Variants in ATXN8OS observed in about 807,000 individuals in gnomAD.
ATXN8OS encodes ATXN8 opposite strand lncRNA.
At chr13:70,155,482 T>A (rs1888925137) in intron 4 of ATXN8OS, among the ~76,000 whole-genome samples, 1 of 152,158 alleles carries the variant, frequency 6.6e-6, no homozygotes, top group South Asian at 2.1e-4. Context: ...CTGGCCAGAA[T>A]CAACTAGTAT....
intron 3 of ATXN8OS, chr13:70,139,383 ACTG>A (rs193922930): frequency 0.024 from 10,850 of 454,152 alleles, 199 homozygotes; most frequent in South Asian, 0.044. Flanking sequence ...TACTACTACT[ACTG>A]CTGCTGCTGC....
intron 3 of ATXN8OS, among the ~76,000 whole-genome samples, chr13:70,144,253 A>C (rs1888752952): frequency 6.6e-6 from 1 of 152,122 alleles, no homozygotes; most frequent in African/African-American, 2.4e-5. Context: ...CCATCCGTTT[A>C]CATTTCGCAT....
At chr13:70,169,966 T>A (rs1001817805) in exon 5 of ATXN8OS, among the ~76,000 whole-genome samples, 3 of 152,130 alleles carry the variant, frequency 2.0e-5, no homozygotes, top group African/African-American at 7.2e-5. Context: ...CTTTCTTTCA[T>A]GCCTTTACTG....
chr13:70,111,487 C>A (rs1055042117), intron 1 of ATXN8OS, among the ~76,000 whole-genome samples: 1 of 152,116 alleles, frequency 6.6e-6, no homozygotes, highest in African/African-American at 2.4e-5. Context: ...TCTTCCTTTT[C>A]TTATAAAGCC....
chr13:70,170,205 T>G (rs1465839793), exon 5 of ATXN8OS, among the ~76,000 whole-genome samples: 1 of 152,080 alleles, frequency 6.6e-6, no homozygotes, highest in Admixed American at 6.6e-5. Flanking sequence ...TATCCTTCAG[T>G]AAGAAGACCC....
intron 3 of ATXN8OS, chr13:70,131,078 C>G (rs1888526537): frequency 2.5e-6 from 1 of 398,488 alleles, no homozygotes; most frequent in East Asian, 3.6e-5. Flanking sequence ...TGTCTTATCT[C>G]TTATCCACAT....
intron 1 of ATXN8OS, among the ~76,000 whole-genome samples, chr13:70,114,221 A>T (rs1432724607): frequency 6.6e-6 from 1 of 152,142 alleles, no homozygotes; most frequent in African/African-American, 2.4e-5. Flanking sequence ...AAAGAATATT[A>T]CTTGTCAGCC....
intron 2 of ATXN8OS, among the ~76,000 whole-genome samples, chr13:70,127,482 G>T (rs1888456121): frequency 6.6e-6 from 1 of 151,742 alleles, no homozygotes; most frequent in Non-Finnish European, 1.5e-5. Flanking sequence ...ACATAGAGAG[G>T]TATATATGTA....
intron 4 of ATXN8OS, among the ~76,000 whole-genome samples, chr13:70,161,344 A>G (rs557678850): frequency 6.6e-6 from 1 of 152,228 alleles, no homozygotes; most frequent in East Asian, 1.9e-4. Flanking sequence ...CATCAGATTA[A>G]CATAAATTTT....
In ATXN8OS at chr13:70,139,412, T is replaced by TGCTGCTGCTGCTGCTGCTGCTGCTGCA. The variant is rs1167175762; in HGVS notation, n.500-7926_500-7925insTGCTGCTGCAGCTGCTGCTGCTGCTGC. On this transcript the variant is annotated intron_variant and non_coding_transcript_variant, in intron 3 of 4. Coordinates refer to ENST00000678624, the Ensembl canonical transcript of ATXN8OS. ...CTGCTGCTGCTGCTGCTGCTGCTGC[T>TGCTGCTGCTGCTGCTGCTGCTGCTGCA]GCTGCTGCTGCTGCTGCATTTTTTA... 4.1e-5 allele frequency: 32 copies of TGCTGCTGCTGCTGCTGCTGCTGCTGCA among 777,062 alleles called. 1 individual carries two copies. In the African/African-American group the frequency reaches 5.5e-4, roughly 13 times the overall value. The allele number at this position is 777,062 out of a possible 1,614,324, so 48.1% of individuals were successfully genotyped here. A position where few individuals can be genotyped will look rare whatever the true frequency, so the allele number is the denominator to read the frequency against.
chr13:70,169,263 A>G (rs12430969), intron 4 of ATXN8OS, among the ~76,000 whole-genome samples: 1,863 of 152,276 alleles, frequency 0.012, 25 homozygotes, highest in Non-Finnish European at 0.018. Flanking sequence ...CATCCTAGAA[A>G]TAAACCTCAG....
chr13:70,142,900 C>T (rs1233718204), intron 3 of ATXN8OS, among the ~76,000 whole-genome samples: 1 of 152,092 alleles, frequency 6.6e-6, no homozygotes, highest in Non-Finnish European at 1.5e-5. Flanking sequence ...ATGGAGAAAC[C>T]TCCTCTCTAC....
intron 3 of ATXN8OS, among the ~76,000 whole-genome samples, chr13:70,133,153 C>T (rs1166230095): frequency 6.6e-6 from 1 of 152,158 alleles, no homozygotes; most frequent in African/African-American, 2.4e-5. Context: ...CGCCTGTAAT[C>T]CTAGCACTTT....
chr13:70,145,631 C>T (rs1400040114), intron 3 of ATXN8OS, among the ~76,000 whole-genome samples: 1 of 152,076 alleles, frequency 6.6e-6, no homozygotes, highest in Non-Finnish European at 1.5e-5. Flanking sequence ...TGGTAGTTCA[C>T]TCATGATTTG....
chr13:70,160,275 C>A (rs1302569443), intron 4 of ATXN8OS, among the ~76,000 whole-genome samples: 1 of 151,470 alleles, frequency 6.6e-6, no homozygotes, highest in African/African-American at 2.4e-5. Context: ...CATTGTTACC[C>A]TAATGTTTCA....
intron 4 of ATXN8OS, among the ~76,000 whole-genome samples, chr13:70,167,106 G>A (rs2137508211): frequency 1.3e-5 from 2 of 152,014 alleles, no homozygotes; most frequent in East Asian, 3.9e-4. Flanking sequence ...AAGTCAGTGT[G>A]GCAATTCCTC....
chr13:70,142,796 C>T (rs1328915455), intron 3 of ATXN8OS, among the ~76,000 whole-genome samples: 1 of 152,010 alleles, frequency 6.6e-6, no homozygotes, highest in Non-Finnish European at 1.5e-5. Context: ...TAAATGCGGC[C>T]GGCCGCAGGG....
chr13:70,128,742 C>T (rs948092452), intron 2 of ATXN8OS, among the ~76,000 whole-genome samples: 2 of 151,946 alleles, frequency 1.3e-5, no homozygotes, highest in Admixed American at 6.6e-5. Flanking sequence ...GATTCTTCCC[C>T]GCAGTGTCCT....
intron 4 of ATXN8OS, among the ~76,000 whole-genome samples, chr13:70,157,680 C>T (rs1421480053): frequency 6.6e-6 from 1 of 152,036 alleles, no homozygotes; most frequent in African/African-American, 2.4e-5. Context: ...AATACTGGTA[C>T]ACGGAGAACC....
Sources: gnomAD v4.1 joint callset for allele counts (sites outside exome capture counted in the v4.1 genomes callset) on GRCh38, gnomAD v4.1.1 for gene constraint, MANE v1.5 for transcripts, NCBI Gene and HGNC (gene_info 2026-07-23, HGNC 2026-07-21) for gene names.